INTS6: variants seen among roughly 807,000 people sequenced by gnomAD.
The protein encoded by INTS6 is integrator complex subunit 6.
INTS6 carries 16 observed loss-of-function variants against 104.9 expected under a neutral mutation model. The ratio of observed to expected loss-of-function variants is 0.15; its 90% CI spans 0.10 to 0.23. The LOEUF is 0.23. INTS6 is among the 10% of genes least tolerant of loss of function. The pLI is 1.00. For missense variants in INTS6, 584 were observed against 1,062.8 expected (o/e 0.55, Z 6.26); for synonymous variants, 324 against 358.7 (o/e 0.90, Z 1.09).
chr13:51,339,664 T>A, the INTS6 span: 4 of 152,222 alleles, frequency 2.6e-5, no homozygotes, highest in South Asian at 2.1e-4. Context: ...TCCACTTTTT[T>A]AAAAGGGGAG....
the INTS6 span, among the ~76,000 whole-genome samples, chr13:51,347,956 TCC>T: frequency 2.0e-5 from 3 of 147,166 alleles, no homozygotes; most frequent in East Asian, 2.0e-4. Context: ...TGTGCCATCG[TCC>T]CCCCCCCCAT....
At position 51,394,646 on chromosome 13, in the gene INTS6, G is replaced by A. The variant is rs57074475; in HGVS notation, c.613+654C>T. ...AATGCTCCATGAAACCAAAAATGCC[G>A]TGTCTGTACTGACTACTGAATGCCA... On this transcript the variant is annotated intron_variant, in intron 5 of 17. Coordinates refer to ENST00000311234, the MANE Select transcript of INTS6 (RefSeq NM_012141.3). 8.6e-3 allele frequency among the ~76,000 whole-genome samples: 1,303 copies of A among 152,222 alleles called. 24 individuals carry two copies. Among genetic ancestry groups the A allele is most frequent in the African/African-American group, 0.03 (1,256 of 41,504 alleles).
chr13:51,358,160 T>C (rs999111068), downstream of INTS6, among the ~76,000 whole-genome samples: 1 of 152,084 alleles, frequency 6.6e-6, no homozygotes, highest in African/African-American at 2.4e-5. Context: ...TGCTATGTGT[T>C]TCTCTCTCTA....
chr13:51,443,666 T>G lies in INTS6; in HGVS notation c.339+7359A>C, dbSNP rs1952839380. ...TGAGCCCAGGAGTTCAAGACCAGCCTGGGTAACACAGAGAGACTTTGTATC... is the reference window on the plus strand; with the variant it reads ...TGAGCCCAGGAGTTCAAGACCAGCCGGGGTAACACAGAGAGACTTTGTATC... On this transcript the variant is annotated intron_variant, in intron 3 of 17. Coordinates refer to ENST00000311234, the MANE Select transcript of INTS6 (RefSeq NM_012141.3). The G allele has an allele frequency of 2.6e-5, 4 of 152,266 alleles. No individual in the cohort carries two copies. The South Asian group carries it at 8.3e-4, about 32-fold the overall frequency. The allele number at this position is 152,266 out of a possible 1,614,324, so 9.4% of individuals were successfully genotyped here. A position where few individuals can be genotyped will look rare whatever the true frequency, so the allele number is the denominator to read the frequency against.
In INTS6 at chr13:51,363,197, T is replaced by C. The variant is rs1955617258; in HGVS notation, c.*2555A>G. 6.6e-6 allele frequency: 1 copy of C among 151,838 alleles called. No homozygotes were observed. Among genetic ancestry groups the C allele is most frequent in the Non-Finnish European group, 1.5e-5 (1 of 67,872 alleles). 9.4% of individuals were successfully genotyped at this position (151,838 alleles called of 1,614,324 possible). On this transcript the variant is annotated 3_prime_UTR_variant, in exon 18 of 18. Transcript: ENST00000311234. ...TCAAGTGCATAAAAATGATGTAAAA[T>C]CCTTAAACAAGGAAAAGACACACCA... is the stretch of plus-strand genomic sequence containing the variant.
intron 5 of INTS6, among the ~76,000 whole-genome samples, chr13:51,392,118 C>A (rs945998725): frequency 2.6e-5 from 4 of 152,308 alleles, no homozygotes; most frequent in African/African-American, 9.6e-5. Flanking sequence ...TACTACTAGT[C>A]TTCCTGCTTT....
At chr13:51,402,281 T>A (rs1329709869) in intron 4 of INTS6, among the ~76,000 whole-genome samples, 1 of 152,176 alleles carries the variant, frequency 6.6e-6, no homozygotes, top group Non-Finnish European at 1.5e-5. Flanking sequence ...TTTTCAGAGA[T>A]GAACTGTAAT....
At chr13:51,409,992 G>C (rs1204395996) in intron 4 of INTS6, among the ~76,000 whole-genome samples, 4 of 152,052 alleles carry the variant, frequency 2.6e-5, no homozygotes, top group African/African-American at 9.7e-5. Context: ...AAAGTAAAAA[G>C]ACCAATCAAT....
At chr13:51,408,357 C>A in intron 4 of INTS6, among the ~76,000 whole-genome samples, 1 of 151,994 alleles carries the variant, frequency 6.6e-6, no homozygotes, top group East Asian at 1.9e-4. Context: ...GTTAGCCAGG[C>A]TGGTCTTGAA....
At position 51,452,176 on chromosome 13, in the gene INTS6, C is replaced by T. The variant is rs1452845224; in HGVS notation, c.112-121G>A. The T allele has an allele frequency of 1.5e-5, 14 of 936,022 alleles. No homozygotes were observed. The highest frequency in any genetic ancestry group is 1.6e-5 in the African/African-American group (1 of 61,340). The allele number at this position is 936,022 out of a possible 1,614,324, so 58.0% of individuals were successfully genotyped here. ...ACAGTACCGCACACGCAGCGGCCAC[C>T]CCTCCACGCCGTCCCCCACACACAG... On this transcript the variant is annotated intron_variant, in intron 1 of 17. Transcript: ENST00000311234. The surrounding 1 kb of genome is among the most constrained non-coding windows in gnomAD (Gnocchi z 4.2).
chr13:51,368,300 G>A (rs1955732435), intron 16 of INTS6, among the ~76,000 whole-genome samples: 1 of 152,066 alleles, frequency 6.6e-6, no homozygotes, highest in Non-Finnish European at 1.5e-5. Context: ...GGTTAAGAGT[G>A]TTATTTCAGT....
intron 4 of INTS6, among the ~76,000 whole-genome samples, chr13:51,403,150 A>G (rs1254988653): frequency 6.6e-6 from 1 of 152,204 alleles, no homozygotes; most frequent in Non-Finnish European, 1.5e-5. Flanking sequence ...ACAAACAGTA[A>G]AAAAAGATAA....
Position 51,415,866 on chromosome 13 carries a change from G to C in INTS6, c.429+14428C>G, listed in dbSNP as rs78328757. On this transcript the variant is annotated intron_variant, in intron 4 of 17. Transcript: ENST00000311234. ...ATTGTCCAAGAGTATGTCAGTAAAC[G>C]TGTAAGAAAATCTAAAACTAAACCA... Among the ~76,000 whole-genome samples, 6 of 152,196 alleles carry C rather than the reference G, an allele frequency of 3.9e-5. No individual in the cohort carries two copies. The East Asian group carries it at 5.8e-4, about 15-fold the overall frequency.
At chr13:51,403,753 C>T (rs1282553743) in intron 4 of INTS6, among the ~76,000 whole-genome samples, 2 of 152,026 alleles carry the variant, frequency 1.3e-5, no homozygotes, top group Non-Finnish European at 2.9e-5. Context: ...CGCAGCCTAT[C>T]CCACGAGTTT....
intron 4 of INTS6, among the ~76,000 whole-genome samples, chr13:51,403,594 GAA>G (rs1183193640): frequency 1.1e-4 from 7 of 63,016 alleles, no homozygotes; most frequent in Non-Finnish European, 2.0e-4. Flanking sequence ...AAAAAAAAAA[GAA>G]AAAAAAAAGA....
intron 4 of INTS6, among the ~76,000 whole-genome samples, chr13:51,416,021 G>A (rs965530805): frequency 2.6e-5 from 4 of 152,198 alleles, no homozygotes; most frequent in African/African-American, 9.7e-5. Context: ...GTGTTCAATA[G>A]TGCTGGCAAA....
At chr13:51,443,897 T>A (rs368286158) in intron 3 of INTS6, 1 of 152,318 alleles carries the variant, frequency 6.6e-6, no homozygotes, top group African/African-American at 2.4e-5. Flanking sequence ...TCCTTTTAAC[T>A]AATTTTGACC....
Position 51,452,151 on chromosome 13 carries a change from A to G in INTS6, c.112-96T>C, listed in dbSNP as rs1367045679. On this transcript the variant is annotated intron_variant, in intron 1 of 17. Coordinates refer to ENST00000311234, the MANE Select transcript of INTS6 (RefSeq NM_012141.3). This position sits in a 1 kb window ranked among gnomAD's most constrained non-coding sequence, Gnocchi z 4.2. ...GGCGCCCAGCGGCCCCGCCGCCCCC[A>G]CAGTACCGCACACGCAGCGGCCACC... 6.3e-6 allele frequency: 7 copies of G among 1,116,954 alleles called. No individual in the cohort carries two copies. The Admixed American group carries it at 1.4e-4, about 22-fold the overall frequency. The allele number at this position is 1,116,954 out of a possible 1,614,324, so 69.2% of individuals were successfully genotyped here.
intron 5 of INTS6, among the ~76,000 whole-genome samples, chr13:51,389,850 C>T (rs941394479): frequency 6.6e-6 from 1 of 151,930 alleles, no homozygotes; most frequent in African/African-American, 2.4e-5. Flanking sequence ...AACTGTCTCC[C>T]CAAAATCTTA....
Sources: allele counts gnomAD v4.1 joint callset (sites outside exome capture counted in the v4.1 genomes callset), GRCh38; gene constraint gnomAD v4.1.1; non-coding constraint Gnocchi (gnomAD v3.1); transcripts MANE v1.5; gene names NCBI Gene and HGNC (gene_info 2026-07-23, HGNC 2026-07-21).